The following ZMAT4 variants were observed in gnomAD, a reference collection of about 807,000 sequenced individuals.
ZMAT4 encodes zinc finger matrin-type 4.
ZMAT4 carries 17 observed loss-of-function variants against 28.7 expected under a neutral mutation model. The ratio of observed to expected loss-of-function variants is 0.59; its 90% CI spans 0.41 to 0.89. The LOEUF is 0.89. Ranked by LOEUF, ZMAT4 falls within the 40% of genes least tolerant of loss-of-function variation. The probability of loss-of-function intolerance (pLI) is 0.00; values close to 1 mark genes in which losing one functional copy is unlikely to be tolerated. For synonymous variants in ZMAT4, 117 were observed against 109.2 expected, an observed-to-expected ratio of 1.07 and a Z score of -0.44; for missense variants, 240 against 283.8, an observed-to-expected ratio of 0.85 and a Z score of 1.11.
chr8:40,798,399 C>T (rs2150584535), intron 2 of ZMAT4, among the ~76,000 whole-genome samples: 1 of 152,308 alleles, frequency 6.6e-6, no homozygotes, highest in East Asian at 1.9e-4. Context: ...TATGACAACC[C>T]ACAGCAGGCA....
At chr8:40,848,215 G>C (rs919246151) in intron 1 of ZMAT4, among the ~76,000 whole-genome samples, 2 of 152,182 alleles carry the variant, frequency 1.3e-5, no homozygotes, top group African/African-American at 4.8e-5. Context: ...CTGTTGAAGA[G>C]AAATGATTGT....
chr8:40,581,916 T>A (rs1181865650), intron 5 of ZMAT4, among the ~76,000 whole-genome samples: 2 of 152,178 alleles, frequency 1.3e-5, no homozygotes, highest in Non-Finnish European at 2.9e-5. Context: ...CTTTCAGAAG[T>A]TTAGTAAAAA....
intron 1 of ZMAT4, among the ~76,000 whole-genome samples, chr8:40,832,000 G>A (rs1816298340): frequency 1.3e-5 from 2 of 152,302 alleles, no homozygotes; most frequent in African/African-American, 2.4e-5. Flanking sequence ...CTCAGGGTTA[G>A]CAATTAAGTA....
chr8:40,892,839 A>G (rs1455019510), intron 1 of ZMAT4, among the ~76,000 whole-genome samples: 1 of 152,188 alleles, frequency 6.6e-6, no homozygotes, highest in Non-Finnish European at 1.5e-5. Flanking sequence ...GCTCAGGGAA[A>G]TAGGTAAGGG....
chr8:40,786,472 C>CATTCA (rs1554556768), intron 2 of ZMAT4, among the ~76,000 whole-genome samples: 1 of 150,900 alleles, frequency 6.6e-6, no homozygotes, highest in Non-Finnish European at 1.5e-5. Context: ...TTCATTCATT[C>CATTCA]TTCAAACCTC....
At chr8:40,716,483 G>A (rs1810860736) in intron 3 of ZMAT4, among the ~76,000 whole-genome samples, 1 of 152,180 alleles carries the variant, frequency 6.6e-6, no homozygotes, top group Non-Finnish European at 1.5e-5. Flanking sequence ...CCTGAGGTCA[G>A]GAGTATGAGA....
chr8:40,557,181 C>T (rs530078326), intron 6 of ZMAT4, among the ~76,000 whole-genome samples: 1 of 152,278 alleles, frequency 6.6e-6, no homozygotes, highest in African/African-American at 2.4e-5. Context: ...AGGATACCTG[C>T]ACTCTCATGT....
chr8:40,542,828 T>G, intron 6 of ZMAT4, among the ~76,000 whole-genome samples: 1 of 152,246 alleles, frequency 6.6e-6, no homozygotes, highest in Admixed American at 6.5e-5. Context: ...TATCACTAAA[T>G]GGCTGCATTG....
intron 5 of ZMAT4, among the ~76,000 whole-genome samples, chr8:40,640,221 T>C (rs567278616): frequency 6.6e-6 from 1 of 152,294 alleles, no homozygotes; most frequent in South Asian, 2.1e-4. Flanking sequence ...CAAGCAATCC[T>C]CCTGCCTCAG....
chr8:40,687,969 T>C (rs1809489327), intron 4 of ZMAT4, among the ~76,000 whole-genome samples: 1 of 152,210 alleles, frequency 6.6e-6, no homozygotes, highest in Admixed American at 6.5e-5. Flanking sequence ...TTCCTTCAGA[T>C]GACTGAGGAC....
At chr8:40,734,215 G>A (rs2150528760) in intron 3 of ZMAT4, among the ~76,000 whole-genome samples, 1 of 152,196 alleles carries the variant, frequency 6.6e-6, no homozygotes, top group East Asian at 1.9e-4. Context: ...ACGAAATATT[G>A]CTCTCCAAAT....
At chr8:40,801,350 AAAT>A (rs199555101) in intron 2 of ZMAT4, among the ~76,000 whole-genome samples, 7,712 of 77,220 alleles carry the variant, frequency 0.1, 363 homozygotes, top group East Asian at 0.39. Flanking sequence ...TTAAAAAAAA[AAAT>A]ATATATATAT....
intron 5 of ZMAT4, among the ~76,000 whole-genome samples, chr8:40,637,897 T>A (rs1369904516): frequency 1.3e-5 from 2 of 152,226 alleles, no homozygotes; most frequent in Non-Finnish European, 2.9e-5. Flanking sequence ...AGAAAAATGG[T>A]CATTTTCAAC....
intron 1 of ZMAT4, among the ~76,000 whole-genome samples, chr8:40,879,777 A>G (rs896497487): frequency 4.6e-5 from 7 of 152,222 alleles, no homozygotes; most frequent in Non-Finnish European, 1.0e-4. Flanking sequence ...GGCGTATTTT[A>G]TTTACATTTA....
chr8:40,746,252 C>CTTTCTTTT (rs1812214756), intron 3 of ZMAT4, among the ~76,000 whole-genome samples: 1 of 114,840 alleles, frequency 8.7e-6, no homozygotes, highest in Admixed American at 9.7e-5. Flanking sequence ...TCCCTCCCTC[C>CTTTCTTTT]CTCCCTCCCT....
At chr8:40,712,427 G>A (rs916648184) in intron 3 of ZMAT4, among the ~76,000 whole-genome samples, 9 of 152,188 alleles carry the variant, frequency 5.9e-5, no homozygotes, top group South Asian at 4.1e-4. Context: ...TAACAAAATC[G>A]CTGACCTGTT....
chr8:40,862,152 A>G (rs971026828), intron 1 of ZMAT4, among the ~76,000 whole-genome samples: 3 of 152,124 alleles, frequency 2.0e-5, no homozygotes, highest in African/African-American at 7.2e-5. Context: ...ACACAATAGC[A>G]AAGACTTGGA....
chr8:40,734,101 T>C (rs1388406848), intron 3 of ZMAT4, among the ~76,000 whole-genome samples: 2 of 152,154 alleles, frequency 1.3e-5, no homozygotes, highest in Non-Finnish European at 2.9e-5. Flanking sequence ...AGATGAACAA[T>C]GCTTAACAGA....
At chr8:40,608,998 G>A (rs865808220) in intron 5 of ZMAT4, among the ~76,000 whole-genome samples, 4 of 152,092 alleles carry the variant, frequency 2.6e-5, no homozygotes, top group African/African-American at 4.8e-5. Context: ...ATGTTCCTGC[G>A]GTAGTTCTTG....
Sources: allele counts gnomAD v4.1 joint callset (sites outside exome capture counted in the v4.1 genomes callset), GRCh38; gene constraint gnomAD v4.1.1; transcripts MANE v1.5; gene names NCBI Gene and HGNC (gene_info 2026-07-23, HGNC 2026-07-21).